LRMDA: variants seen among roughly 807,000 people sequenced by gnomAD.
The protein encoded by LRMDA is leucine rich melanocyte differentiation associated, also known as leucine-rich melanocyte differentiation-associated protein.
A neutral mutation model predicts 29.8 loss-of-function variants in LRMDA; 18 were observed. The ratio of observed to expected loss-of-function variants is 0.60; its 90% CI spans 0.42 to 0.90. LRMDA has a LOEUF of 0.90. Ranked by LOEUF, LRMDA falls within the 40% of genes least tolerant of loss-of-function variation. The probability of loss-of-function intolerance (pLI) is 0.00; values close to 1 mark genes in which losing one functional copy is unlikely to be tolerated. For missense variants in LRMDA, 273 were observed against 273.9 expected (o/e 1.00, Z 0.02); for synonymous variants, 125 against 109.4 (o/e 1.14, Z -0.89).
At chr10:75,757,678 C>T (rs371953514) in intron 2 of LRMDA, among the ~76,000 whole-genome samples, 159 of 152,188 alleles carry the variant, frequency 1.0e-3, no homozygotes, top group Middle Eastern at 3.4e-3. Context: ...ATGTACGGTA[C>T]TTAGAACAGT....
chr10:75,438,632 G>C, intron 2 of LRMDA, 138 bp downstream of exon 2: 1 of 661,732 alleles, frequency 1.5e-6, no homozygotes. Flanking sequence ...TCTGAGATGC[G>C]TGGAATCACA....
At chr10:75,711,451 G>GT (rs985892659) in intron 2 of LRMDA, among the ~76,000 whole-genome samples, 4 of 152,092 alleles carry the variant, frequency 2.6e-5, no homozygotes, top group African/African-American at 7.2e-5. Context: ...ACAATTCCCT[G>GT]TTTTTTTGGA....
chr10:75,912,045 T>A (rs1008147302), intron 2 of LRMDA, among the ~76,000 whole-genome samples: 6 of 152,268 alleles, frequency 3.9e-5, no homozygotes, highest in Admixed American at 2.0e-4. Context: ...TTAAAAACTC[T>A]GTTATTTTTC....
intron 2 of LRMDA, chr10:75,450,038 C>G (rs1021927370): frequency 6.6e-6 from 1 of 152,164 alleles, no homozygotes; most frequent in Non-Finnish European, 1.5e-5. Flanking sequence ...GTTCCCTGCT[C>G]CTTGATGATG....
chr10:75,896,841 T>TTGTGTGTG (rs35428137), intron 2 of LRMDA, among the ~76,000 whole-genome samples: 3,740 of 147,500 alleles, frequency 0.025, 117 homozygotes, highest in African/African-American at 0.072. Flanking sequence ...GAGTGTGCAT[T>TTGTGTGTG]TGTGTGTGTG....
intron 2 of LRMDA, among the ~76,000 whole-genome samples, chr10:75,899,578 C>A (rs1845637419): frequency 6.6e-6 from 1 of 152,204 alleles, no homozygotes; most frequent in African/African-American, 2.4e-5. Flanking sequence ...GAATGCGGGG[C>A]CTGTGATCTA....
chr10:76,105,414 T>C (rs1849464587), intron 5 of LRMDA, among the ~76,000 whole-genome samples: 1 of 151,418 alleles, frequency 6.6e-6, no homozygotes, highest in African/African-American at 2.4e-5. Context: ...GTGGGCTTAT[T>C]TGGGGGGTGG....
At chr10:75,563,970 AG>A (rs1840336057) in intron 2 of LRMDA, among the ~76,000 whole-genome samples, 1 of 152,176 alleles carries the variant, frequency 6.6e-6, no homozygotes, top group Non-Finnish European at 1.5e-5. Context: ...TAGGCTGCTC[AG>A]GGGTCAGGGG....
intron 6 of LRMDA, among the ~76,000 whole-genome samples, chr10:76,382,379 A>C (rs757652408): frequency 4.6e-5 from 7 of 152,214 alleles, no homozygotes; most frequent in Non-Finnish European, 7.3e-5. Context: ...TCCACCAACA[A>C]CACCAACCCA....
intron 5 of LRMDA, among the ~76,000 whole-genome samples, chr10:76,172,291 G>A (rs1341976750): frequency 1.3e-5 from 2 of 152,138 alleles, no homozygotes; most frequent in East Asian, 3.9e-4. Context: ...ATAGCAAACA[G>A]GTTGCAAATA....
chr10:75,962,070 CCATTAT>C (rs1287152739), intron 2 of LRMDA, among the ~76,000 whole-genome samples: 1 of 152,204 alleles, frequency 6.6e-6, no homozygotes, highest in Non-Finnish European at 1.5e-5. Flanking sequence ...CTGCCCTACT[CCATTAT>C]CATTTCATCG....
intron 6 of LRMDA, among the ~76,000 whole-genome samples, chr10:76,468,596 C>G (rs10824417): frequency 0.28 from 42,022 of 152,092 alleles, 6,465 homozygotes; most frequent in Non-Finnish European, 0.34. Flanking sequence ...AGGGATGATT[C>G]AGCAGGGAGT....
At chr10:75,592,019 G>A (rs1212224409) in intron 2 of LRMDA, among the ~76,000 whole-genome samples, 1 of 152,052 alleles carries the variant, frequency 6.6e-6, no homozygotes, top group Non-Finnish European at 1.5e-5. Flanking sequence ...TGGGCAGTGA[G>A]GGCCCTTCCC....
intron 2 of LRMDA, among the ~76,000 whole-genome samples, chr10:75,689,512 G>A (rs1842119573): frequency 6.6e-6 from 1 of 152,156 alleles, no homozygotes. Context: ...CAATTGTTGG[G>A]GGAGCCAGCC....
At chr10:75,675,365 A>C (rs1294011045) in intron 2 of LRMDA, among the ~76,000 whole-genome samples, 1 of 152,148 alleles carries the variant, frequency 6.6e-6, no homozygotes, top group Non-Finnish European at 1.5e-5. Flanking sequence ...AGAAGCTGAA[A>C]CCTTGATCAG....
At chr10:76,218,647 T>G (rs1279297585) in intron 5 of LRMDA, among the ~76,000 whole-genome samples, 1 of 152,196 alleles carries the variant, frequency 6.6e-6, no homozygotes, top group African/African-American at 2.4e-5. Context: ...ATGAGATCTC[T>G]TCTTTGGTCA....
chr10:75,819,073 G>T (rs1467317710), intron 2 of LRMDA, among the ~76,000 whole-genome samples: 2 of 152,190 alleles, frequency 1.3e-5, no homozygotes, highest in African/African-American at 2.4e-5. Context: ...AGAATCTTGT[G>T]TAAGTTGAAA....
chr10:75,936,293 T>C (rs961754864), intron 2 of LRMDA, among the ~76,000 whole-genome samples: 2 of 152,172 alleles, frequency 1.3e-5, no homozygotes, highest in African/African-American at 4.8e-5. Flanking sequence ...CATTGTTTAC[T>C]ACTAACTCTG....
intron 6 of LRMDA, among the ~76,000 whole-genome samples, chr10:76,339,213 A>G (rs1315426999): frequency 6.6e-6 from 1 of 151,830 alleles, no homozygotes; most frequent in Non-Finnish European, 1.5e-5. Context: ...TTAACTGACC[A>G]TAACTAAGTC....
Sources: allele counts gnomAD v4.1 joint callset (sites outside exome capture counted in the v4.1 genomes callset), GRCh38; gene constraint gnomAD v4.1.1; transcripts MANE v1.5; gene names NCBI Gene and HGNC (gene_info 2026-07-23, HGNC 2026-07-21).